Variants in UBE2V1 observed in about 807,000 individuals in gnomAD.
UBE2V1 encodes the protein ubiquitin-conjugating enzyme E2 variant 1.
In UBE2V1, 15 loss-of-function variants were observed where a neutral mutation model predicts 19.6. The observed-to-expected ratio is 0.77, with a 90% CI of 0.51 to 1.18. UBE2V1 has a LOEUF of 1.18. Ranked by LOEUF, UBE2V1 falls within the 50% of genes most tolerant of loss-of-function variation. The probability of loss-of-function intolerance (pLI) is 0.00; values close to 1 mark genes in which losing one functional copy is unlikely to be tolerated. For missense variants in UBE2V1, 125 were observed against 184.8 expected (o/e 0.68, Z 1.88); for synonymous variants, 60 against 60.7 (o/e 0.99, Z 0.05).
intron 2 of UBE2V1, among the ~76,000 whole-genome samples, chr20:50,094,747 G>A (rs911277994): frequency 2.0e-5 from 3 of 152,132 alleles, no homozygotes; most frequent in Non-Finnish European, 4.4e-5. Flanking sequence ...AGGGAGAATG[G>A]GGGGTGCCTA....
intron 1 of UBE2V1, among the ~76,000 whole-genome samples, chr20:50,110,155 C>T (rs1486532943): frequency 1.3e-5 from 2 of 152,246 alleles, no homozygotes; most frequent in Non-Finnish European, 2.9e-5. Context: ...GTCAGGGAAG[C>T]TCGTGGGCTG....
At chr20:50,108,856 G>A in intron 1 of UBE2V1, 1 of 842,504 alleles carries the variant, frequency 1.2e-6, no homozygotes, top group South Asian at 5.4e-5. Context: ...AGTGGCCAGA[G>A]ATGCTATAAA....
chr20:50,087,758 T>C (rs2301021), intron 2 of UBE2V1, among the ~76,000 whole-genome samples: 35,624 of 151,936 alleles, frequency 0.23, 4,284 homozygotes, highest in Admixed American at 0.32. Context: ...CTGTCTGCAA[T>C]AGCAAAAATA....
Position 50,082,685 on chromosome 20 carries a change from T to C in UBE2V1, c.*83A>G. ...TACTTTGAGGTCTACAAGACGTATCTAGAAAATTTACTACTGTGGAAAATG... is the reference window on the plus strand; with the variant it reads ...TACTTTGAGGTCTACAAGACGTATCCAGAAAATTTACTACTGTGGAAAATG... On this transcript the variant is annotated 3_prime_UTR_variant, in exon 4 of 4. Transcript: ENST00000371674. The C allele has an allele frequency of 2.6e-6, 4 of 1,556,246 alleles. No homozygotes were observed. Among genetic ancestry groups the C allele is most frequent in the Non-Finnish European group, 8.6e-7 (1 of 1,160,994 alleles).
chr20:50,106,804 C>T (rs984627158), intron 1 of UBE2V1, among the ~76,000 whole-genome samples: 3 of 151,004 alleles, frequency 2.0e-5, no homozygotes, highest in Non-Finnish European at 4.4e-5. Flanking sequence ...CATTGCACTC[C>T]AGCCTGGGCA....
intron 1 of UBE2V1, chr20:50,111,602 T>C: frequency 1.0e-6 from 1 of 999,820 alleles, no homozygotes; most frequent in Non-Finnish European, 1.2e-6. Flanking sequence ...TGGTCTCCGC[T>C]ATTCTGCAAG....
chr20:50,109,150 G>C, intron 1 of UBE2V1: 2 of 985,022 alleles, frequency 2.0e-6, no homozygotes, highest in Non-Finnish European at 2.4e-6. Flanking sequence ...CAGGTAAGTC[G>C]AAGTCTATGG....
chr20:50,092,619 C>T (rs1601015466), intron 2 of UBE2V1, among the ~76,000 whole-genome samples: 1 of 152,184 alleles, frequency 6.6e-6, no homozygotes, highest in South Asian at 2.1e-4. Context: ...ATTGTTAGTA[C>T]TTCTGTGGTC....
chr20:50,097,273 A>G (rs2079687578), intron 1 of UBE2V1, among the ~76,000 whole-genome samples: 1 of 152,250 alleles, frequency 6.6e-6, no homozygotes, highest in Non-Finnish European at 1.5e-5. Context: ...TGGATATGGG[A>G]AATAAAAATG....
At chr20:50,089,394 T>C (rs1242754266) in intron 2 of UBE2V1, among the ~76,000 whole-genome samples, 1 of 152,220 alleles carries the variant, frequency 6.6e-6, no homozygotes, top group Non-Finnish European at 1.5e-5. Flanking sequence ...ACACTGCTGA[T>C]GCCAGGATGA....
chr20:50,093,850 G>A (rs112955321), intron 2 of UBE2V1, among the ~76,000 whole-genome samples: 1,850 of 150,966 alleles, frequency 0.012, 38 homozygotes, highest in African/African-American at 0.043. Context: ...TTAGCTGGGC[G>A]TGGTGGCGGG....
At chr20:50,089,218 T>C (rs1022883722) in intron 2 of UBE2V1, among the ~76,000 whole-genome samples, 1 of 151,778 alleles carries the variant, frequency 6.6e-6, no homozygotes, top group African/African-American at 2.4e-5. Context: ...TTTACCAGGG[T>C]TGAGTTTACC....
chr20:50,111,514 G>A, intron 1 of UBE2V1: 2 of 1,000,328 alleles, frequency 2.0e-6, no homozygotes, highest in Non-Finnish European at 2.4e-6. Flanking sequence ...TCTTCTGGGA[G>A]TGCCTGGGGC....
chr20:50,084,090 C>G (rs1282056843), intron 3 of UBE2V1, 39 bp downstream of exon 3: 1 of 1,538,468 alleles, frequency 6.5e-7, no homozygotes. Context: ...AAGCAACTGT[C>G]AACTCCAAGG....
Position 50,081,814 on chromosome 20 carries a change from T to G in UBE2V1, c.*954A>C, listed in dbSNP as rs910887394. The G allele has an allele frequency of 3.0e-5, 8 of 263,660 alleles. No individual in the cohort carries two copies. The highest frequency in any genetic ancestry group is 5.0e-5 in the Non-Finnish European group (7 of 140,182). The allele number at this position is 263,660 out of a possible 1,614,324, so 16.3% of individuals were successfully genotyped here. On this transcript the variant is annotated 3_prime_UTR_variant, in exon 4 of 4. Coordinates refer to ENST00000371674, the MANE Select transcript of UBE2V1 (RefSeq NM_001032288.3). ...AGGTCTGAGTAACCCTGGTGACTAT[T>G]CTTTTCACCTTATCAAAACCTGAGC...
intron 2 of UBE2V1, among the ~76,000 whole-genome samples, chr20:50,086,694 CACT>C (rs1202544787): frequency 6.6e-6 from 1 of 152,024 alleles, no homozygotes; most frequent in Non-Finnish European, 1.5e-5. Flanking sequence ...AATTTCTCAC[CACT>C]GATATTCATC....
intron 2 of UBE2V1, among the ~76,000 whole-genome samples, chr20:50,086,377 C>A (rs888665559): frequency 6.6e-6 from 1 of 151,968 alleles, no homozygotes; most frequent in Non-Finnish European, 1.5e-5. Context: ...TGAATTGGTA[C>A]TCAAATGTTT....
At chr20:50,093,982 C>A (rs2079399112) in intron 2 of UBE2V1, among the ~76,000 whole-genome samples, 3 of 43,708 alleles carry the variant, frequency 6.9e-5, no homozygotes, top group Non-Finnish European at 1.3e-4. Flanking sequence ...AGCGAGACTC[C>A]AACTCAAAAA....
chr20:50,109,637 T>C (rs573236027), intron 1 of UBE2V1, among the ~76,000 whole-genome samples: 1 of 150,652 alleles, frequency 6.6e-6, no homozygotes, highest in Non-Finnish European at 1.5e-5. Context: ...TGATCCCAGC[T>C]ACTCAGGAGG....
Sources: allele counts gnomAD v4.1 joint callset (sites outside exome capture counted in the v4.1 genomes callset), GRCh38; gene constraint gnomAD v4.1.1; transcripts MANE v1.5; gene names NCBI Gene and HGNC (gene_info 2026-07-23, HGNC 2026-07-21).